RASGEF1C: variants seen among roughly 807,000 people sequenced by gnomAD.
RASGEF1C encodes the protein RasGEF domain family member 1C, also known as ras-GEF domain-containing family member 1C.
Under a neutral mutation model 58.1 loss-of-function variants are expected in RASGEF1C, and 27 were observed. The ratio of observed to expected loss-of-function variants is 0.46; its 90% CI spans 0.34 to 0.64. The LOEUF is 0.64. Ranked by LOEUF, RASGEF1C falls within the 30% of genes least tolerant of loss-of-function variation. The pLI is 0.01. For missense variants in RASGEF1C, 502 were observed against 605.1 expected, an observed-to-expected ratio of 0.83 and a Z score of 1.79; for synonymous variants, 243 against 246.3, an observed-to-expected ratio of 0.99 and a Z score of 0.13.
chr5:180,121,670 CACACA>C (rs1561734510), intron 6 of RASGEF1C, among the ~76,000 whole-genome samples: 3 of 89,768 alleles, frequency 3.3e-5, no homozygotes, highest in African/African-American at 1.0e-4. Context: ...CACACACACA[CACACA>C]CACACACCCT....
At chr5:180,190,505 A>T (rs1392237051) in intron 1 of RASGEF1C, among the ~76,000 whole-genome samples, 3 of 99,528 alleles carry the variant, frequency 3.0e-5, no homozygotes, top group East Asian at 3.8e-4. Flanking sequence ...AAAAAAAAAA[A>T]AAATAATAAT....
Position 180,136,494 on chromosome 5 carries a change from G to A in RASGEF1C, c.322C>T (p.Pro108Ser). 6.4e-7 allele frequency: 1 copy of A among 1,571,042 alleles called. No homozygotes were observed. Among genetic ancestry groups the A allele is most frequent in the Non-Finnish European group, 8.6e-7 (1 of 1,157,554 alleles). Residue 108 changes from proline (P) to serine (S), a missense_variant, in exon 4 of 14, where the codon CCC becomes TCC. Pro to Ser is a moderately conservative substitution (Grantham distance 74). Coordinates refer to ENST00000361132, the MANE Select transcript of RASGEF1C (RefSeq NM_175062.4). Reference protein sequence around the residue: ...LDKARVRKFGPKLLQLLAEWT... With the variant: ...LDKARVRKFGSKLLQLLAEWT... The stretch of plus-strand genomic sequence containing the variant: ...TCGGCCAACAGCTGCAGCAGTTTGG[G>A]GCCGAACTTCCGGACCCGGGCCTAC...
At chr5:180,181,350 T>G (rs2113323428) in intron 1 of RASGEF1C, among the ~76,000 whole-genome samples, 1 of 152,386 alleles carries the variant, frequency 6.6e-6, no homozygotes, top group African/African-American at 2.4e-5. Context: ...AGCATTGTCG[T>G]CGGTTGGACT....
chr5:180,168,784 G>A lies in RASGEF1C; in HGVS notation c.-6-30726C>T, dbSNP rs928082161. ...GTGGGCTGGGGTATGAGAGAGCAAA[G>A]ATTTTTAAAATGGATTTTCTCCATG... On this transcript the variant is annotated intron_variant, in intron 1 of 13. Transcript: ENST00000361132. The surrounding 1 kb of genome is among the most constrained non-coding windows in gnomAD (Gnocchi z 6.0). Among the ~76,000 whole-genome samples the A allele has an allele frequency of 1.3e-5, 2 of 152,196 alleles. No individual in the cohort carries two copies. Among genetic ancestry groups the A allele is most frequent in the African/African-American group, 4.8e-5 (2 of 41,440 alleles).
chr5:180,149,763 T>G (rs1280601963), intron 1 of RASGEF1C, among the ~76,000 whole-genome samples: 2 of 152,250 alleles, frequency 1.3e-5, no homozygotes, highest in East Asian at 3.8e-4. Context: ...CGAGGACCCC[T>G]TTTATGTGAT....
Position 180,127,124 on chromosome 5 carries a change from CG to C in RASGEF1C, c.714+484del, listed in dbSNP as rs556580243. On this transcript the variant is annotated intron_variant, in intron 6 of 13. Transcript: ENST00000361132. ...CTCCCAGAAGGGCGGGATCGAAATC[CG>C]GGTGCGTGGGCTGTGTCCTGAGCAC... Among the ~76,000 whole-genome samples the C allele has an allele frequency of 2.6e-3, 392 of 152,314 alleles. 6 individuals are homozygous for C. In the South Asian group the frequency reaches 0.034, roughly 13 times the overall value.
intron 1 of RASGEF1C, among the ~76,000 whole-genome samples, chr5:180,159,213 C>T (rs1766899187): frequency 6.6e-6 from 1 of 151,232 alleles, no homozygotes; most frequent in Admixed American, 6.6e-5. Flanking sequence ...GATCTCGGCT[C>T]ACTGCAACCT....
intron 4 of RASGEF1C, among the ~76,000 whole-genome samples, chr5:180,130,581 C>G (rs72813645): frequency 0.14 from 20,985 of 152,264 alleles, 1,746 homozygotes; most frequent in South Asian, 0.22. Flanking sequence ...TCCCATCAGT[C>G]AATTCGTTGG....
intron 12 of RASGEF1C, among the ~76,000 whole-genome samples, chr5:180,103,218 C>T (rs867337471): frequency 6.6e-6 from 1 of 152,162 alleles, no homozygotes; most frequent in Admixed American, 6.5e-5. Flanking sequence ...GCTGGGACTA[C>T]AGGTACCCAC....
intron 6 of RASGEF1C, among the ~76,000 whole-genome samples, chr5:180,123,408 A>G (rs1274414221): frequency 6.6e-6 from 1 of 152,266 alleles, no homozygotes; most frequent in Non-Finnish European, 1.5e-5. Flanking sequence ...ACAAACACGG[A>G]AACTTGAACT....
At chr5:180,206,960 G>A (rs1214739145) in intron 1 of RASGEF1C, among the ~76,000 whole-genome samples, 3 of 152,228 alleles carry the variant, frequency 2.0e-5, no homozygotes, top group Admixed American at 6.5e-5. Flanking sequence ...AGATGCAGGG[G>A]TGGGACTGAG....
intron 1 of RASGEF1C, among the ~76,000 whole-genome samples, chr5:180,171,318 C>T (rs1391772442): frequency 6.6e-6 from 1 of 151,912 alleles, no homozygotes; most frequent in Admixed American, 6.6e-5. Flanking sequence ...AAACTGCTGA[C>T]CCCAGAGGCC....
chr5:180,188,625 T>C (rs183293402), intron 1 of RASGEF1C, among the ~76,000 whole-genome samples: 2 of 152,306 alleles, frequency 1.3e-5, no homozygotes. Flanking sequence ...TGGAATACTT[T>C]CTCCCTAAGA....
At chr5:180,190,157 C>T (rs1054920892) in intron 1 of RASGEF1C, among the ~76,000 whole-genome samples, 3 of 151,840 alleles carry the variant, frequency 2.0e-5, no homozygotes, top group Non-Finnish European at 2.9e-5. Flanking sequence ...GAGTTGGAGG[C>T]CAACCTGGGC....
intron 1 of RASGEF1C, among the ~76,000 whole-genome samples, chr5:180,196,625 A>T (rs994578001): frequency 2.0e-5 from 3 of 152,166 alleles, no homozygotes; most frequent in African/African-American, 7.2e-5. Flanking sequence ...AGTATATCAA[A>T]TGTATTGGTA....
intron 1 of RASGEF1C, among the ~76,000 whole-genome samples, chr5:180,190,033 C>A (rs1379753333): frequency 6.6e-6 from 1 of 150,752 alleles, no homozygotes; most frequent in Non-Finnish European, 1.5e-5. Context: ...ATTCTTCCCA[C>A]CAAAGGCAAA....
intron 1 of RASGEF1C, among the ~76,000 whole-genome samples, chr5:180,150,354 T>A (rs1387713495): frequency 2.0e-5 from 3 of 152,246 alleles, no homozygotes; most frequent in Non-Finnish European, 4.4e-5. Context: ...CTAATAAGTC[T>A]GTCATGTAGT....
chr5:180,126,355 G>C (rs183438558), intron 6 of RASGEF1C, among the ~76,000 whole-genome samples: 15 of 151,976 alleles, frequency 9.9e-5, no homozygotes, highest in African/African-American at 2.4e-4. Flanking sequence ...TGCAGTGAGC[G>C]GAGACCGCGC....
chr5:180,170,659 T>C (rs1344314633), intron 1 of RASGEF1C, among the ~76,000 whole-genome samples: 1 of 152,062 alleles, frequency 6.6e-6, no homozygotes, highest in Non-Finnish European at 1.5e-5. Flanking sequence ...CCTGTGGCAG[T>C]CACGAGCCAC....
Sources: gnomAD v4.1 joint callset for allele counts (sites outside exome capture counted in the v4.1 genomes callset) on GRCh38, gnomAD v4.1.1 for gene constraint, Gnocchi (gnomAD v3.1) non-coding constraint, MANE v1.5 for transcripts, NCBI Gene and HGNC (gene_info 2026-07-23, HGNC 2026-07-21) for gene names.